GRM8: variants seen among roughly 807,000 people sequenced by gnomAD.
GRM8 encodes metabotropic glutamate receptor 8.
Under a neutral mutation model 87.2 loss-of-function variants are expected in GRM8, and 47 were observed. The ratio of observed to expected loss-of-function variants is 0.54; its 90% CI spans 0.43 to 0.69. The LOEUF (loss-of-function observed/expected upper bound fraction) is 0.69, where lower values mean the gene tolerates loss of function less well. Ranked by LOEUF, GRM8 falls within the 30% of genes least tolerant of loss-of-function variation. GRM8 has a pLI of 0.00. For synonymous variants in GRM8, 396 were observed against 404.5 expected (o/e 0.98, Z 0.25); for missense variants, 1,019 against 1,139.2 (o/e 0.89, Z 1.52).
intron 2 of GRM8, chr7:127,219,491 G>A (rs1272190041): frequency 2.6e-5 from 4 of 151,950 alleles, no homozygotes; most frequent in South Asian, 2.1e-4. Context: ...ATCCAGGCTG[G>A]AGTACAGTGG....
At chr7:126,966,938 T>C (rs1161084303) in intron 3 of GRM8, among the ~76,000 whole-genome samples, 1 of 152,208 alleles carries the variant, frequency 6.6e-6, no homozygotes, top group Non-Finnish European at 1.5e-5. Flanking sequence ...GTTCAAAAAC[T>C]GGGGCTGCTA....
At chr7:127,082,238 T>A (rs772625026) in intron 3 of GRM8, 1 of 152,224 alleles carries the variant, frequency 6.6e-6, no homozygotes, top group Non-Finnish European at 1.5e-5. Flanking sequence ...TGTTCAGGAA[T>A]AAGCTCTTTA....
chr7:126,547,738 C>T (rs889225158), intron 8 of GRM8, among the ~76,000 whole-genome samples: 1 of 151,758 alleles, frequency 6.6e-6, no homozygotes, highest in Non-Finnish European at 1.5e-5. Context: ...CAAAATTTTT[C>T]CAGAATGAAA....
intron 9 of GRM8, among the ~76,000 whole-genome samples, chr7:126,531,443 G>A (rs1584961655): frequency 1.3e-5 from 2 of 152,212 alleles, no homozygotes; most frequent in South Asian, 4.2e-4. Context: ...ATCTGCATAG[G>A]CATAGCTATA....
At chr7:127,021,814 G>A (rs1440892505) in intron 3 of GRM8, among the ~76,000 whole-genome samples, 4 of 152,048 alleles carry the variant, frequency 2.6e-5, no homozygotes, top group Admixed American at 6.6e-5. Context: ...TTTTAAGGTG[G>A]TAAATACAAG....
chr7:126,599,783 G>A (rs1490586786), intron 8 of GRM8, among the ~76,000 whole-genome samples: 1 of 152,146 alleles, frequency 6.6e-6, no homozygotes, highest in Non-Finnish European at 1.5e-5. Flanking sequence ...GAACACAGCT[G>A]GATGTATTAG....
chr7:126,997,361 T>C (rs1813281512), intron 3 of GRM8, among the ~76,000 whole-genome samples: 1 of 151,536 alleles, frequency 6.6e-6, no homozygotes, highest in Admixed American at 6.6e-5. Flanking sequence ...TTAAACAGCC[T>C]GATGATGCAT....
chr7:126,732,887 G>A (rs1402635269), intron 7 of GRM8, among the ~76,000 whole-genome samples: 1 of 152,110 alleles, frequency 6.6e-6, no homozygotes, highest in Admixed American at 6.6e-5. Context: ...AATCAGTTAT[G>A]TTTAGGTCAC....
chr7:126,853,420 C>A (rs1365143379), intron 6 of GRM8, among the ~76,000 whole-genome samples: 1 of 152,012 alleles, frequency 6.6e-6, no homozygotes, highest in Non-Finnish European at 1.5e-5. Context: ...AATAGGTGAG[C>A]CTCTAATGGA....
chr7:126,763,954 C>A (rs187674800), intron 7 of GRM8, among the ~76,000 whole-genome samples: 70 of 151,674 alleles, frequency 4.6e-4, no homozygotes, highest in Admixed American at 1.1e-3. Context: ...CAAACAGGTT[C>A]AATTTATTCC....
intron 3 of GRM8, among the ~76,000 whole-genome samples, chr7:126,964,154 C>T (rs1363725723): frequency 6.6e-6 from 1 of 151,828 alleles, no homozygotes; most frequent in South Asian, 2.1e-4. Flanking sequence ...ACACCTTATA[C>T]AAAAATTAAC....
intron 7 of GRM8, among the ~76,000 whole-genome samples, chr7:126,654,107 A>G (rs1226202801): frequency 6.6e-6 from 1 of 152,190 alleles, no homozygotes; most frequent in Non-Finnish European, 1.5e-5. Flanking sequence ...TATAGAAATA[A>G]CTAGACCCCT....
chr7:126,825,878 A>T (rs1168038579), intron 6 of GRM8, among the ~76,000 whole-genome samples: 2 of 29,926 alleles, frequency 6.7e-5, no homozygotes, highest in African/African-American at 1.1e-4. Flanking sequence ...ACCTCCCCCC[A>T]CCCCACAACA....
chr7:126,767,847 C>A (rs1818361138), intron 7 of GRM8, among the ~76,000 whole-genome samples: 1 of 152,156 alleles, frequency 6.6e-6, no homozygotes, highest in African/African-American at 2.4e-5. Flanking sequence ...AAGACTCAAG[C>A]CCAGCAAAAT....
chr7:127,228,740 T>C (rs1036428966), intron 2 of GRM8: 5 of 152,226 alleles, frequency 3.3e-5, no homozygotes, highest in African/African-American at 1.2e-4. Flanking sequence ...TAGGGTATTA[T>C]CCATTTTATT....
At chr7:126,740,810 A>G (rs1239097997) in intron 7 of GRM8, among the ~76,000 whole-genome samples, 2 of 152,164 alleles carry the variant, frequency 1.3e-5, no homozygotes, top group South Asian at 2.1e-4. Flanking sequence ...AACCTGCCAT[A>G]ATAAGTAGTA....
chr7:126,683,012 G>C (rs1345869206), intron 7 of GRM8, among the ~76,000 whole-genome samples: 1 of 152,106 alleles, frequency 6.6e-6, no homozygotes, highest in Non-Finnish European at 1.5e-5. Context: ...TCGTGCCACT[G>C]CACTCCAGCC....
intron 6 of GRM8, among the ~76,000 whole-genome samples, chr7:126,821,808 A>G (rs999698626): frequency 3.3e-5 from 5 of 152,218 alleles, no homozygotes; most frequent in Non-Finnish European, 7.3e-5. Flanking sequence ...ATTAAATTAC[A>G]GGCCTTTTCC....
chr7:126,924,987 A>G (rs75603678), intron 3 of GRM8, among the ~76,000 whole-genome samples: 1,664 of 152,296 alleles, frequency 0.011, 29 homozygotes, highest in African/African-American at 0.039. Context: ...ACACACACAC[A>G]GAGAAAGAAA....
Sources: allele counts gnomAD v4.1 joint callset (sites outside exome capture counted in the v4.1 genomes callset), GRCh38; gene constraint gnomAD v4.1.1; transcripts MANE v1.5; gene names NCBI Gene and HGNC (gene_info 2026-07-23, HGNC 2026-07-21).